The following YY1 variants were observed in gnomAD, a reference collection of about 807,000 sequenced individuals.
YY1 encodes the protein YY1 transcription factor.
A neutral mutation model predicts 35.6 loss-of-function variants in YY1; 2 were observed. The observed-to-expected ratio is 0.06, with a 90% CI of 0.02 to 0.18. The LOEUF is 0.18. Ranked by LOEUF, YY1 falls within the 10% of genes least tolerant of loss-of-function variation. The pLI is 1.00. For missense variants in YY1, 322 were observed against 573.4 expected (o/e 0.56, Z 4.48); for synonymous variants, 268 against 238.9 (o/e 1.12, Z -1.12).
In YY1 at chr14:100,279,519, G is replaced by A. The variant is rs1331801651; in HGVS notation, c.*1919G>A. The A allele has an allele frequency of 6.6e-6, 1 of 152,244 alleles. No homozygotes were observed. Among genetic ancestry groups the A allele is most frequent in the Admixed American group, 6.5e-5 (1 of 15,286 alleles). The allele number at this position is 152,244 out of a possible 1,614,324, so 9.4% of individuals were successfully genotyped here. A position where few individuals can be genotyped will look rare whatever the true frequency, so the allele number is the denominator to read the frequency against. The stretch of plus-strand genomic sequence containing the variant: ...ACCCCTTGGGTAGTTTGATGGAACT[G>A]AGTTAAGCAGAAGACCCCAGCTGTT... On this transcript the variant is annotated 3_prime_UTR_variant, in exon 5 of 5. Transcript: ENST00000262238.
intron 1 of YY1, among the ~76,000 whole-genome samples, chr14:100,245,274 T>C (rs1246511385): frequency 1.3e-5 from 2 of 152,188 alleles, no homozygotes; most frequent in Admixed American, 6.5e-5. Context: ...CTTAACTGTT[T>C]AGTGTGTCAG....
At chr14:100,241,069 T>C (rs1322780356) in intron 1 of YY1, among the ~76,000 whole-genome samples, 2 of 152,200 alleles carry the variant, frequency 1.3e-5, no homozygotes, top group Non-Finnish European at 2.9e-5. Flanking sequence ...AAAATCTGTT[T>C]TTACTTCAAA....
At chr14:100,244,726 G>C (rs1470304136) in intron 1 of YY1, among the ~76,000 whole-genome samples, 1 of 151,264 alleles carries the variant, frequency 6.6e-6, no homozygotes, top group Non-Finnish European at 1.5e-5. Context: ...GGGACCACAG[G>C]CTAATGTTTT....
intron 1 of YY1, among the ~76,000 whole-genome samples, chr14:100,245,046 C>G (rs996817682): frequency 6.6e-6 from 1 of 152,146 alleles, no homozygotes; most frequent in African/African-American, 2.4e-5. Context: ...ACACCATTCT[C>G]CTGCCTCAGC....
chr14:100,247,280 CTTTTA>C (rs1595314700), intron 1 of YY1, among the ~76,000 whole-genome samples: 2 of 152,088 alleles, frequency 1.3e-5, no homozygotes, highest in East Asian at 3.9e-4. Context: ...TATTTGCATT[CTTTTA>C]TTTAACTCTT....
At position 100,239,760 on chromosome 14, in the gene YY1, C is replaced by G. The variant is rs1566765998; in HGVS notation, c.516C>G (p.Val172=). 6.3e-7 allele frequency: 1 copy of G among 1,579,004 alleles called. No homozygotes were observed. Among genetic ancestry groups the G allele is most frequent in the Non-Finnish European group, 8.6e-7 (1 of 1,166,916 alleles). Residue 172 remains valine (V), a synonymous_variant, in exon 1 of 5, where the codon GTC becomes GTG. Transcript: ENST00000262238. ...GGSSSSGGGR[V]KKGGGKKSGK... ...CGTCGTCGTCGGGAGGCGGCCGCGTCAAGAAGGGCGGCGGCAAGAAGAGCG... is the reference window on the plus strand; with the variant it reads ...CGTCGTCGTCGGGAGGCGGCCGCGTGAAGAAGGGCGGCGGCAAGAAGAGCG...
intron 1 of YY1, among the ~76,000 whole-genome samples, chr14:100,242,230 C>T (rs955251938): frequency 2.6e-5 from 4 of 152,080 alleles, no homozygotes; most frequent in Non-Finnish European, 4.4e-5. Flanking sequence ...TCCAGAGAAG[C>T]TGGTAGTGTA....
chr14:100,270,690 T>G (rs1445737317), intron 2 of YY1, among the ~76,000 whole-genome samples: 1 of 152,096 alleles, frequency 6.6e-6, no homozygotes, highest in African/African-American at 2.4e-5. Context: ...AGATTTAATT[T>G]GCATATGGTA....
At chr14:100,240,084 G>A (rs1218667341) in intron 1 of YY1, among the ~76,000 whole-genome samples, 161 bp downstream of exon 1, 1 of 146,530 alleles carries the variant, frequency 6.8e-6, no homozygotes, top group Non-Finnish European at 1.5e-5. Context: ...CGGCGGCGGC[G>A]GGCGGCGGGC....
In YY1 at chr14:100,277,623, C is replaced by T. The variant is rs180917436; in HGVS notation, c.*23C>T. Reference sequence around the variant, plus strand: ...TGAAAAGAAGAGAGAAGACCCTTCTCGACCACGGGAAGCATCTTCCAGAAG... The same window carrying T: ...TGAAAAGAAGAGAGAAGACCCTTCTTGACCACGGGAAGCATCTTCCAGAAG... On this transcript the variant is annotated 3_prime_UTR_variant, in exon 5 of 5. Coordinates refer to ENST00000262238, the MANE Select transcript of YY1 (RefSeq NM_003403.5). The surrounding 1 kb of genome is among the most constrained non-coding windows in gnomAD (Gnocchi z 5.6). 99 of 1,612,064 alleles carry T rather than the reference C, an allele frequency of 6.1e-5. No individual in the cohort carries two copies. The African/African-American group carries it at 1.2e-3, about 19-fold the overall frequency.
At chr14:100,256,181 ATTACGATATAAT>A (rs1891003644) in intron 1 of YY1, among the ~76,000 whole-genome samples, 1 of 151,936 alleles carries the variant, frequency 6.6e-6, no homozygotes, top group Non-Finnish European at 1.5e-5. Flanking sequence ...ATTCTCACAG[ATTACGATATAAT>A]TCTCTCTGAC....
intron 1 of YY1, among the ~76,000 whole-genome samples, chr14:100,249,100 A>ATTTTTTTTTTTTTTTTTTTTTTT (rs60088505): frequency 2.1e-5 from 1 of 46,766 alleles, no homozygotes; most frequent in African/African-American, 6.9e-5. Context: ...TTCTCGTGTA[A>ATTTTTTTTTTTTTTTTTTTTTTT]TTTTTTTTTT....
chr14:100,261,839 T>A (rs760766637), intron 1 of YY1, among the ~76,000 whole-genome samples: 24 of 152,174 alleles, frequency 1.6e-4, no homozygotes, highest in Admixed American at 6.5e-4. Context: ...AGGAAATGTG[T>A]GTGGTGTGAG....
Position 100,274,830 on chromosome 14 carries a change from CT to C in YY1, c.903+76del. The C allele has an allele frequency of 6.5e-6, 9 of 1,384,028 alleles. No homozygotes were observed. In the South Asian group the frequency reaches 7.1e-5, roughly 11 times the overall value. 85.7% of individuals were successfully genotyped at this position (1,384,028 alleles called of 1,614,324 possible). A position where few individuals can be genotyped will look rare whatever the true frequency, so the allele number is the denominator to read the frequency against. ...TTTAGAGAGTTATAAGAAATTTGCA[CT>C]TTTGTTTCTGCTTGTGATAATTTAA... On this transcript the variant is annotated intron_variant, in intron 3 of 4. Transcript: ENST00000262238.
At chr14:100,268,768 G>A (rs529906254) in intron 2 of YY1, among the ~76,000 whole-genome samples, 5 of 152,256 alleles carry the variant, frequency 3.3e-5, no homozygotes, top group East Asian at 1.9e-4. Flanking sequence ...GCCGTATTAC[G>A]CAGGAACTTC....
chr14:100,279,149 G>T lies in YY1; in HGVS notation c.*1549G>T, dbSNP rs1228603447. 1 of 152,164 alleles carries T rather than the reference G, an allele frequency of 6.6e-6. No homozygotes were observed. Among genetic ancestry groups the T allele is most frequent in the Non-Finnish European group, 1.5e-5 (1 of 68,034 alleles). The allele number at this position is 152,164 out of a possible 1,614,324, so 9.4% of individuals were successfully genotyped here. On this transcript the variant is annotated 3_prime_UTR_variant, in exon 5 of 5. Coordinates refer to ENST00000262238, the MANE Select transcript of YY1 (RefSeq NM_003403.5). ...GTACGATTATAATGTTGGATCTTAG[G>T]TCAAATAACAGACTTGAGAATACTT...
Position 100,281,315 on chromosome 14 carries a change from A to G in YY1, c.*3715A>G, listed in dbSNP as rs1180352024. The G allele has an allele frequency of 6.6e-6, 1 of 152,186 alleles. No homozygotes were observed. The highest frequency in any genetic ancestry group is 3.2e-3 in the Middle Eastern group (1 of 316). The allele number at this position is 152,186 out of a possible 1,614,324, so 9.4% of individuals were successfully genotyped here. On this transcript the variant is annotated 3_prime_UTR_variant, in exon 5 of 5. Transcript: ENST00000262238. Reference sequence around the variant, plus strand: ...AGAGGTCAAAACAGTGGTGAGAGCCAAGCTGCTCACAGACACCCACTTGAT... The same window carrying G: ...AGAGGTCAAAACAGTGGTGAGAGCCGAGCTGCTCACAGACACCCACTTGAT...
intron 1 of YY1, among the ~76,000 whole-genome samples, chr14:100,254,522 A>G (rs1286496134): frequency 6.6e-6 from 1 of 151,918 alleles, no homozygotes; most frequent in Non-Finnish European, 1.5e-5. Flanking sequence ...CAGTGGTGCA[A>G]TTTCAGCTTA....
At chr14:100,244,652 G>A (rs537992433) in intron 1 of YY1, among the ~76,000 whole-genome samples, 2 of 145,810 alleles carry the variant, frequency 1.4e-5, no homozygotes, top group South Asian at 2.3e-4. Context: ...AGACAGTCAC[G>A]GCTCACGGCA....
Sources: allele counts gnomAD v4.1 joint callset (sites outside exome capture counted in the v4.1 genomes callset), GRCh38; gene constraint gnomAD v4.1.1; non-coding constraint Gnocchi (gnomAD v3.1); transcripts MANE v1.5; gene names NCBI Gene and HGNC (gene_info 2026-07-23, HGNC 2026-07-21).